Variants in PAPSS1 observed in about 807,000 individuals in gnomAD.
The protein encoded by PAPSS1 is bifunctional 3'-phosphoadenosine 5'-phosphosulfate synthase 1.
Under a neutral mutation model 72.0 loss-of-function variants are expected in PAPSS1, and 50 were observed. That is an observed-to-expected ratio of 0.69 (90% confidence interval 0.55 to 0.88). The LOEUF (loss-of-function observed/expected upper bound fraction) is 0.88, where lower values mean the gene tolerates loss of function less well. Among genes scored for constraint, PAPSS1 ranks in the 40% least tolerant of loss-of-function variants. The pLI is 0.00. For synonymous variants in PAPSS1, 261 were observed against 263.6 expected, an observed-to-expected ratio of 0.99 and a Z score of 0.09; for missense variants, 657 against 782.2, an observed-to-expected ratio of 0.84 and a Z score of 1.91.
Position 107,635,748 on chromosome 4 carries a change from T to TA in PAPSS1, c.1507-3889dup, listed in dbSNP as rs772024541. ...TAAATTTATATGCTGGTAATAGCCTTACAGAAAGAATAATCTACATGCTGG... is the reference window on the plus strand; with the variant it reads ...TAAATTTATATGCTGGTAATAGCCTTAACAGAAAGAATAATCTACATGCTGG... On this transcript the variant is annotated intron_variant, in intron 10 of 11. Transcript: ENST00000265174. 4.2e-4 allele frequency among the ~76,000 whole-genome samples: 64 copies of TA among 152,326 alleles called. 1 individual carries two copies. The highest frequency in any genetic ancestry group is 8.3e-4 in the South Asian group (4 of 4,832).
intron 5 of PAPSS1, among the ~76,000 whole-genome samples, chr4:107,673,978 T>G (rs1560580523): frequency 6.6e-6 from 1 of 152,102 alleles, no homozygotes; most frequent in Non-Finnish European, 1.5e-5. Context: ...AATAAAATCC[T>G]TAACAGACAA....
intron 4 of PAPSS1, among the ~76,000 whole-genome samples, chr4:107,683,014 A>G (rs1722676606): frequency 6.6e-6 from 1 of 152,218 alleles, no homozygotes; most frequent in South Asian, 2.1e-4. Flanking sequence ...AGAAAAGAGC[A>G]AATAGACGAC....
chr4:107,618,042 T>C (rs899387104), intron 11 of PAPSS1, among the ~76,000 whole-genome samples: 1 of 152,098 alleles, frequency 6.6e-6, no homozygotes, highest in Non-Finnish European at 1.5e-5. Context: ...GAGCTGGAGT[T>C]AGAAACAATT....
intron 1 of PAPSS1, among the ~76,000 whole-genome samples, chr4:107,715,980 C>G (rs1055044600): frequency 1.3e-4 from 20 of 152,182 alleles, no homozygotes; most frequent in African/African-American, 4.3e-4. Flanking sequence ...TGGTAAGTGA[C>G]AAAACCGTAA....
intron 2 of PAPSS1, among the ~76,000 whole-genome samples, chr4:107,698,663 T>G (rs757638163): frequency 4.6e-5 from 7 of 152,260 alleles, no homozygotes; most frequent in Middle Eastern, 3.4e-3. Flanking sequence ...AAACCTAAAC[T>G]GTAATTGATG....
At chr4:107,711,486 T>G (rs571825985) in intron 1 of PAPSS1, among the ~76,000 whole-genome samples, 77 of 151,964 alleles carry the variant, frequency 5.1e-4, no homozygotes, top group Middle Eastern at 3.4e-3. Context: ...TTTTTCATCA[T>G]TTTATAAAGA....
intron 1 of PAPSS1, among the ~76,000 whole-genome samples, chr4:107,704,758 C>G (rs937230974): frequency 6.6e-6 from 1 of 152,054 alleles, no homozygotes; most frequent in Non-Finnish European, 1.5e-5. Flanking sequence ...TGAGACCAGC[C>G]AGGCCAATGT....
chr4:107,619,984 G>C (rs907756237), intron 11 of PAPSS1, among the ~76,000 whole-genome samples: 1 of 152,098 alleles, frequency 6.6e-6, no homozygotes, highest in African/African-American at 2.4e-5. Flanking sequence ...GATGACTCTC[G>C]GCCACTTGTT....
At chr4:107,624,022 C>T (rs1726033317) in intron 11 of PAPSS1, among the ~76,000 whole-genome samples, 1 of 152,086 alleles carries the variant, frequency 6.6e-6, no homozygotes, top group South Asian at 2.1e-4. Flanking sequence ...GTCACACCAC[C>T]ATCTTTTAAA....
chr4:107,671,820 G>T (rs1239321146), intron 5 of PAPSS1, among the ~76,000 whole-genome samples: 1 of 151,962 alleles, frequency 6.6e-6, no homozygotes, highest in Non-Finnish European at 1.5e-5. Context: ...GTATATAATT[G>T]TATTCTTTTT....
intron 11 of PAPSS1, among the ~76,000 whole-genome samples, chr4:107,615,216 A>C (rs1352033025): frequency 6.6e-6 from 1 of 152,168 alleles, no homozygotes; most frequent in African/African-American, 2.4e-5. Context: ...TCAAACCAGT[A>C]AGCACAGAGC....
At chr4:107,623,800 A>T (rs527734372) in intron 11 of PAPSS1, among the ~76,000 whole-genome samples, 1 of 152,210 alleles carries the variant, frequency 6.6e-6, no homozygotes, top group African/African-American at 2.4e-5. Flanking sequence ...TACCAGGGCA[A>T]AAGCAGCTTC....
At chr4:107,673,313 A>G (rs1727546716) in intron 5 of PAPSS1, among the ~76,000 whole-genome samples, 1 of 152,180 alleles carries the variant, frequency 6.6e-6, no homozygotes, top group South Asian at 2.1e-4. Context: ...AAAACCTTGA[A>G]AAAAAATTAG....
intron 11 of PAPSS1, among the ~76,000 whole-genome samples, chr4:107,616,816 C>T (rs1001684007): frequency 2.6e-5 from 4 of 152,150 alleles, no homozygotes; most frequent in African/African-American, 7.2e-5. Context: ...TAAGTGAACA[C>T]ATAAATACAT....
chr4:107,688,227 AC>A (rs1722837511), intron 3 of PAPSS1, among the ~76,000 whole-genome samples: 1 of 152,060 alleles, frequency 6.6e-6, no homozygotes. Flanking sequence ...CCAGCAACAA[AC>A]AAGTACAAGT....
chr4:107,704,540 TGA>T (rs1723286565), intron 1 of PAPSS1, among the ~76,000 whole-genome samples: 1 of 152,230 alleles, frequency 6.6e-6, no homozygotes, highest in African/African-American at 2.4e-5. Flanking sequence ...CCTAATTTGT[TGA>T]GAGTTTTTAT....
intron 11 of PAPSS1, among the ~76,000 whole-genome samples, chr4:107,621,787 A>AT (rs1324999688): frequency 1.9e-4 from 28 of 146,742 alleles, no homozygotes; most frequent in African/African-American, 3.5e-4. Context: ...CGCCTGGCTA[A>AT]TTTTTTTTTT....
chr4:107,632,898 T>C (rs1421177707), intron 10 of PAPSS1, among the ~76,000 whole-genome samples: 2 of 152,226 alleles, frequency 1.3e-5, no homozygotes, highest in African/African-American at 4.8e-5. Flanking sequence ...TCATCTTTTA[T>C]TGTTTTGTTT....
At chr4:107,641,601 G>A (rs1025902269) in intron 10 of PAPSS1, among the ~76,000 whole-genome samples, 1 of 152,166 alleles carries the variant, frequency 6.6e-6, no homozygotes, top group Non-Finnish European at 1.5e-5. Context: ...CCAAGTTGTG[G>A]GGTAACCTAA....
Sources: gnomAD v4.1 joint callset for allele counts (sites outside exome capture counted in the v4.1 genomes callset) on GRCh38, gnomAD v4.1.1 for gene constraint, MANE v1.5 for transcripts, NCBI Gene and HGNC (gene_info 2026-07-23, HGNC 2026-07-21) for gene names.